Variants in TUSC3 observed in about 807,000 individuals in gnomAD.
TUSC3 encodes the protein tumor suppressor candidate 3.
TUSC3 carries 45 observed loss-of-function variants against 44.8 expected under a neutral mutation model. The ratio of observed to expected loss-of-function variants is 1.00; its 90% CI spans 0.79 to 1.29. The LOEUF (loss-of-function observed/expected upper bound fraction) is 1.29, where lower values mean the gene tolerates loss of function less well. Ranked by LOEUF, TUSC3 falls within the 50% of genes most tolerant of loss-of-function variation. The pLI is 0.00. For missense variants in TUSC3, 519 were observed against 437.9 expected (o/e 1.19, Z -1.65); for synonymous variants, 212 against 152.9 (o/e 1.39, Z -2.85).
intron 1 of TUSC3, among the ~76,000 whole-genome samples, chr8:15,618,480 C>G (rs370914376): frequency 2.2e-4 from 34 of 152,228 alleles, no homozygotes; most frequent in African/African-American, 7.9e-4. Flanking sequence ...TAGGCCTGCA[C>G]ATGGTCAGGA....
At chr8:15,630,931 C>T (rs1224329124) in intron 2 of TUSC3, among the ~76,000 whole-genome samples, 3 of 152,144 alleles carry the variant, frequency 2.0e-5, no homozygotes, top group African/African-American at 7.2e-5. Context: ...ACTTGGGTCC[C>T]TTGTACATCA....
In TUSC3 at chr8:15,557,704, T is replaced by A. The variant is rs541644190; in HGVS notation, c.138+17136T>A. On this transcript the variant is annotated intron_variant, in intron 1 of 10. Coordinates refer to ENST00000503731, the MANE Select transcript of TUSC3 (RefSeq NM_006765.4). ...TTGAGCAGTGGTTGGTAGTTCTCCT[T>A]GAAGAGGTCCTTCACATCCCTTGTA... 2.3e-5 allele frequency among the ~76,000 whole-genome samples: 3 copies of A among 132,640 alleles called. No individual in the cohort carries two copies. In the South Asian group the frequency reaches 7.9e-4, roughly 35 times the overall value. The allele number at this position is 132,640 out of a possible 152,430, so 87.0% of individuals were successfully genotyped here.
chr8:15,792,969 G>A, the TUSC3 span, among the ~76,000 whole-genome samples: 1 of 151,888 alleles, frequency 6.6e-6, no homozygotes, highest in African/African-American at 2.4e-5. Flanking sequence ...CCCTCTGTAA[G>A]GCGCCTACCT....
intron 2 of TUSC3, among the ~76,000 whole-genome samples, chr8:15,507,772 A>AAGAG (rs142572306): frequency 6.6e-6 from 1 of 151,736 alleles, no homozygotes; most frequent in Non-Finnish European, 1.5e-5. Context: ...TACTTGGGAA[A>AAGAG]AGAGAGAGAG....
At chr8:15,748,194 A>G (rs1391105507) in intron 8 of TUSC3, among the ~76,000 whole-genome samples, 181 bp from the exon 9 acceptor site, 1 of 152,110 alleles carries the variant, frequency 6.6e-6, no homozygotes, top group East Asian at 1.9e-4. Context: ...TTCATTGAGA[A>G]GAATGTGGAA....
intron 2 of TUSC3, among the ~76,000 whole-genome samples, chr8:15,504,630 T>A (rs1285611036): frequency 4.0e-5 from 4 of 99,190 alleles, no homozygotes; most frequent in East Asian, 2.5e-4. Context: ...TATTTTTTTT[T>A]TTTTTTTTTT....
chr8:15,739,759 G>A (rs559125086), intron 7 of TUSC3, among the ~76,000 whole-genome samples: 2 of 152,254 alleles, frequency 1.3e-5, no homozygotes, highest in Admixed American at 6.5e-5. Flanking sequence ...CTGAAACTGG[G>A]CTAGCAATTA....
chr8:15,605,592 C>T (rs1804486344), intron 1 of TUSC3, among the ~76,000 whole-genome samples: 1 of 151,642 alleles, frequency 6.6e-6, no homozygotes, highest in Admixed American at 6.6e-5. Context: ...AGATGGACTG[C>T]ATTGCCTTAC....
At chr8:15,493,963 G>A (rs907998555) in intron 2 of TUSC3, among the ~76,000 whole-genome samples, 1 of 152,158 alleles carries the variant, frequency 6.6e-6, no homozygotes, top group Non-Finnish European at 1.5e-5. Flanking sequence ...CGTACAGTTT[G>A]CCCTTTGATT....
intron 1 of TUSC3, among the ~76,000 whole-genome samples, chr8:15,610,669 G>A (rs1460986900): frequency 1.3e-5 from 2 of 152,146 alleles, no homozygotes; most frequent in African/African-American, 4.8e-5. Context: ...CAAAGAGACT[G>A]GCAAATTGAA....
chr8:15,754,133 CGA>C (rs143554215), intron 9 of TUSC3, among the ~76,000 whole-genome samples: 4,865 of 152,040 alleles, frequency 0.032, 85 homozygotes, highest in East Asian at 0.048. Context: ...CTGTAGAAAA[CGA>C]GAGAATGAAA....
At chr8:15,577,233 T>A (rs1310733597) in intron 1 of TUSC3, among the ~76,000 whole-genome samples, 2 of 151,368 alleles carry the variant, frequency 1.3e-5, no homozygotes, top group Non-Finnish European at 3.0e-5. Context: ...GATGAGTAGC[T>A]TGCGAAAATT....
At chr8:15,830,383 C>T in the TUSC3 span, among the ~76,000 whole-genome samples, 13 of 152,064 alleles carry the variant, frequency 8.5e-5, no homozygotes, top group Admixed American at 8.5e-4. Flanking sequence ...AAGAGGATTT[C>T]CTAGGTTTTC....
the TUSC3 span, among the ~76,000 whole-genome samples, chr8:15,827,428 C>A: frequency 1.4e-4 from 21 of 152,130 alleles, no homozygotes; most frequent in African/African-American, 4.3e-4. Context: ...TAATGGGATT[C>A]AATGGGTAGT....
chr8:15,834,651 T>C, the TUSC3 span, among the ~76,000 whole-genome samples: 3 of 152,314 alleles, frequency 2.0e-5, no homozygotes, highest in East Asian at 5.8e-4. Context: ...TTTCATATAT[T>C]TCCTATCATT....
intron 10 of TUSC3, 62 bp downstream of exon 10, chr8:15,757,917 A>G (rs1811999999): frequency 6.8e-7 from 1 of 1,467,334 alleles, no homozygotes. Context: ...AGAGAGTATA[A>G]CATTTATCTC....
intron 7 of TUSC3, among the ~76,000 whole-genome samples, chr8:15,738,827 C>CTTTTTTTTTTTTTTCTTTTTT (rs1563198661): frequency 3.4e-5 from 3 of 87,166 alleles, no homozygotes; most frequent in East Asian, 3.7e-4. Context: ...ATATATCTTG[C>CTTTTTTTTTTTTTTCTTTTTT]TTTTTTTTTT....
chr8:15,749,803 G>GGC (rs1027692557), intron 9 of TUSC3, among the ~76,000 whole-genome samples: 1 of 143,544 alleles, frequency 7.0e-6, no homozygotes, highest in Non-Finnish European at 1.5e-5. Context: ...TACTTAGTTT[G>GGC]GCCTGTGTTC....
chr8:15,424,740 C>G (rs977666361), intron 1 of TUSC3, among the ~76,000 whole-genome samples: 2 of 151,960 alleles, frequency 1.3e-5, no homozygotes, highest in African/African-American at 2.4e-5. Context: ...ATTAGCCAGG[C>G]GTGGTGGCAC....
Sources: allele counts gnomAD v4.1 joint callset (sites outside exome capture counted in the v4.1 genomes callset), GRCh38; gene constraint gnomAD v4.1.1; transcripts MANE v1.5; gene names NCBI Gene and HGNC (gene_info 2026-07-23, HGNC 2026-07-21).